The following DMD variants were observed in gnomAD, a reference collection of about 807,000 sequenced individuals.
DMD encodes mutant dystrophin.
DMD carries 63 observed loss-of-function variants against 330.1 expected under a neutral mutation model. That is an observed-to-expected ratio of 0.19 (90% CI 0.16 to 0.24). The LOEUF is 0.24. DMD is among the 10% of genes least tolerant of loss of function. The pLI is 1.00. For synonymous variants in DMD, 1,223 were observed against 959.8 expected, an observed-to-expected ratio of 1.27 and a Z score of -5.07; for missense variants, 3,344 against 2,684.1, an observed-to-expected ratio of 1.25 and a Z score of -5.43.
intron 2 of DMD, among the ~76,000 whole-genome samples, chrX:32,875,728 G>A (rs1373742177): frequency 8.9e-6 from 1 of 111,954 alleles, no homozygotes; most frequent in African/African-American, 3.3e-5. Flanking sequence ...TTCAATCACT[G>A]CCTTTGGTCA....
intron 7 of DMD, among the ~76,000 whole-genome samples, chrX:32,701,292 T>A (rs745986950): frequency 1.8e-5 from 2 of 112,251 alleles, no homozygotes; most frequent in Non-Finnish European, 3.8e-5. Flanking sequence ...GACATTTCAA[T>A]GCACAAGGCT....
intron 11 of DMD, among the ~76,000 whole-genome samples, chrX:32,619,779 G>T (rs1486205833): frequency 9.0e-6 from 1 of 111,333 alleles, no homozygotes; most frequent in Non-Finnish European, 1.9e-5. Context: ...AATAATAAAC[G>T]ATAGTGAAGG....
intron 1 of DMD, among the ~76,000 whole-genome samples, chrX:33,044,354 C>G (rs1432965039): frequency 9.0e-6 from 1 of 111,170 alleles, no homozygotes; most frequent in South Asian, 3.8e-4. Context: ...ATCACTTGAA[C>G]CCGGGAGGAG....
At chrX:32,581,799 G>A (rs2053682727) in intron 13 of DMD, among the ~76,000 whole-genome samples, 1 of 111,474 alleles carries the variant, frequency 9.0e-6, no homozygotes, top group Non-Finnish European at 1.9e-5. Flanking sequence ...TGGACGTAAA[G>A]GAAAAACTAT....
intron 54 of DMD, among the ~76,000 whole-genome samples, chrX:31,657,616 TCC>T (rs1024394062): frequency 1.8e-5 from 2 of 111,908 alleles, no homozygotes; most frequent in Middle Eastern, 4.6e-3. Context: ...CTATCATGAA[TCC>T]CAAAGTGACT....
chrX:32,858,516 G>C (rs1296930795), intron 2 of DMD, among the ~76,000 whole-genome samples: 1 of 111,018 alleles, frequency 9.0e-6, no homozygotes, highest in African/African-American at 3.3e-5. Flanking sequence ...TTTTAGTAGA[G>C]ACGGGGTTTC....
intron 11 of DMD, among the ~76,000 whole-genome samples, chrX:32,638,164 A>G (rs1478345663): frequency 1.8e-5 from 2 of 111,852 alleles, no homozygotes; most frequent in East Asian, 5.6e-4. Flanking sequence ...CAATAGCTTA[A>G]TTATCAATAC....
intron 44 of DMD, 167 bp downstream of exon 44, chrX:32,216,749 G>A (rs1006822563): frequency 2.7e-5 from 13 of 478,903 alleles, no homozygotes; most frequent in Admixed American, 7.3e-5. Context: ...CCATAGCACC[G>A]TGCTCTAATA....
At chrX:31,956,648 C>T (rs910518971) in intron 45 of DMD, among the ~76,000 whole-genome samples, 1 of 112,154 alleles carries the variant, frequency 8.9e-6, no homozygotes, top group African/African-American at 3.2e-5. Context: ...GATTTAACTA[C>T]AAGAAATCAT....
At chrX:32,853,513 T>C (rs5972695) in intron 2 of DMD, among the ~76,000 whole-genome samples, 20,230 of 110,362 alleles carry the variant, frequency 0.18, 1,933 homozygotes, top group African/African-American at 0.36. Flanking sequence ...CAACCAGTGT[T>C]GTCTGTTTGA....
chrX:31,425,476 A>C (rs998620224), intron 60 of DMD, among the ~76,000 whole-genome samples: 7 of 111,983 alleles, frequency 6.3e-5, no homozygotes, highest in Non-Finnish European at 1.3e-4. Context: ...CTTGGTAAAG[A>C]AGCTCAATTA....
chrX:32,410,487 A>C (rs2147919541), intron 30 of DMD, among the ~76,000 whole-genome samples: 1 of 111,870 alleles, frequency 8.9e-6, no homozygotes, highest in African/African-American at 3.2e-5. Context: ...GTGATTCATT[A>C]ACTGTAATTG....
chrX:32,335,536 T>C (rs1371054499), intron 41 of DMD, among the ~76,000 whole-genome samples: 2 of 102,465 alleles, frequency 2.0e-5, no homozygotes, highest in African/African-American at 7.1e-5. Context: ...ATATAAAACA[T>C]GTTATATATA....
intron 1 of DMD, among the ~76,000 whole-genome samples, chrX:33,279,484 C>CT (rs1345020482): frequency 1.8e-5 from 2 of 108,771 alleles, no homozygotes; most frequent in Non-Finnish European, 3.8e-5. Flanking sequence ...TATCAAGGGA[C>CT]TTTTTTGTGT....
At position 32,016,694 on chromosome X, in the gene DMD, G is replaced by C. The variant is rs762950266; in HGVS notation, c.6439-48180C>G. Among the ~76,000 whole-genome samples, 138 of 112,386 alleles carry C rather than the reference G, an allele frequency of 1.2e-3. 1 individual carries two copies. Among genetic ancestry groups the C allele is most frequent in the African/African-American group, 4.1e-3 (128 of 30,911 alleles). ...AGTGTTTATGCCTTTGATCATCAGT[G>C]ATCATTTCACAAGTGTGTGTGCTAG... On this transcript the variant is annotated intron_variant, in intron 44 of 78. Coordinates refer to ENST00000357033, the MANE Select transcript of DMD (RefSeq NM_004006.3).
chrX:33,052,604 A>G (rs1424726604), intron 1 of DMD, among the ~76,000 whole-genome samples: 1 of 112,136 alleles, frequency 8.9e-6, no homozygotes, highest in Non-Finnish European at 1.9e-5. Flanking sequence ...AAGATTGCTA[A>G]GTTAGAAACA....
At chrX:31,377,228 G>A (rs906218989) in intron 60 of DMD, among the ~76,000 whole-genome samples, 7 of 111,603 alleles carry the variant, frequency 6.3e-5, no homozygotes, top group Non-Finnish European at 1.3e-4. Context: ...TTTGCCAAGA[G>A]GGTTTACACT....
chrX:32,677,906 G>T (rs1179829580), intron 9 of DMD, among the ~76,000 whole-genome samples: 1 of 111,693 alleles, frequency 9.0e-6, no homozygotes, highest in Non-Finnish European at 1.9e-5. Context: ...TACATACAAT[G>T]GAATTTTATT....
At chrX:32,505,289 C>G (rs779902941) in intron 18 of DMD, among the ~76,000 whole-genome samples, 10 of 112,225 alleles carry the variant, frequency 8.9e-5, no homozygotes, top group Non-Finnish European at 1.9e-4. Flanking sequence ...GAATTCTTAT[C>G]CGAAATACAC....
Sources: gnomAD v4.1 joint callset for allele counts (sites outside exome capture counted in the v4.1 genomes callset) on GRCh38, gnomAD v4.1.1 for gene constraint, MANE v1.5 for transcripts, NCBI Gene and HGNC (gene_info 2026-07-23, HGNC 2026-07-21) for gene names.